The following MACROD1 variants were observed in gnomAD, a reference collection of about 807,000 sequenced individuals.
MACROD1 encodes the protein ADP-ribose glycohydrolase MACROD1.
Under a neutral mutation model 41.4 loss-of-function variants are expected in MACROD1, and 31 were observed. That is an observed-to-expected ratio of 0.75 (90% CI 0.56 to 1.01). MACROD1 has a LOEUF of 1.01. Among genes scored for constraint, MACROD1 ranks in the 50% least tolerant of loss-of-function variants. MACROD1 has a pLI of 0.00. For synonymous variants in MACROD1, 252 were observed against 203.4 expected (o/e 1.24, Z -2.03); for missense variants, 473 against 460.0 (o/e 1.03, Z -0.26).
Position 64,035,306 on chromosome 11 carries a change from G to A in MACROD1, c.518-20025C>T, listed in dbSNP as rs866548190. On this transcript the variant is annotated intron_variant, in intron 3 of 10. Transcript: ENST00000255681. ...CGGATGAGAGGGTCTGCCCAGGGAA[G>A]GGGCGCCAGGCAGGAAGGAAGGGGT... Among the ~76,000 whole-genome samples the A allele has an allele frequency of 2.6e-4, 40 of 152,264 alleles. No homozygotes were observed. The Middle Eastern group carries it at 0.01, about 39-fold the overall frequency.
intron 3 of MACROD1, among the ~76,000 whole-genome samples, chr11:64,112,350 T>C (rs1944878138): frequency 6.6e-6 from 1 of 151,980 alleles, no homozygotes; most frequent in Non-Finnish European, 1.5e-5. Context: ...CCGTCTCTAC[T>C]AAAAATACAA....
At chr11:64,141,206 C>A (rs1007538760) in intron 3 of MACROD1, among the ~76,000 whole-genome samples, 1 of 152,144 alleles carries the variant, frequency 6.6e-6, no homozygotes, top group African/African-American at 2.4e-5. Context: ...GGAGACGGGG[C>A]CTGGGTCCTT....
At chr11:64,048,944 A>G (rs1157256177) in intron 3 of MACROD1, among the ~76,000 whole-genome samples, 2 of 152,204 alleles carry the variant, frequency 1.3e-5, no homozygotes, top group East Asian at 1.9e-4. Flanking sequence ...GTCTGGTGTG[A>G]GGGAGAGCCT....
intron 3 of MACROD1, among the ~76,000 whole-genome samples, chr11:64,035,383 G>T (rs577384525): frequency 5.9e-5 from 9 of 152,294 alleles, no homozygotes; most frequent in African/African-American, 1.7e-4. Context: ...ATGAATGCAC[G>T]GGTGGACGGA....
At chr11:64,087,186 T>A (rs1400310036) in intron 3 of MACROD1, 1 of 152,078 alleles carries the variant, frequency 6.6e-6, no homozygotes, top group Non-Finnish European at 1.5e-5. Flanking sequence ...TTCAGTGAGG[T>A]CTCCGATTCT....
intron 3 of MACROD1, among the ~76,000 whole-genome samples, chr11:64,134,470 G>A (rs1778000630): frequency 6.6e-6 from 1 of 152,232 alleles, no homozygotes; most frequent in Non-Finnish European, 1.5e-5. Flanking sequence ...CCCACAGGGA[G>A]GAGGGAAAGC....
intron 1 of MACROD1, among the ~76,000 whole-genome samples, chr11:64,154,006 C>T (rs1010648856): frequency 1.3e-5 from 2 of 152,156 alleles, no homozygotes; most frequent in African/African-American, 2.4e-5. Flanking sequence ...CTTCAGTCCA[C>T]CCAGTCTGGT....
chr11:64,088,692 C>T (rs72918433), intron 3 of MACROD1, among the ~76,000 whole-genome samples: 23 of 152,148 alleles, frequency 1.5e-4, no homozygotes, highest in Non-Finnish European at 2.9e-4. Context: ...CTCTGGGTCT[C>T]GGCTGCCCTG....
rs116801730 is a variant in MACROD1, at chr11:64,130,221, G to T, written c.517+21018C>A. 6.8e-3 allele frequency among the ~76,000 whole-genome samples: 1,041 copies of T among 152,322 alleles called. 18 individuals carry two copies. The highest frequency in any genetic ancestry group is 0.024 in the African/African-American group (996 of 41,562). ...AGGGGCACGTGTGGGTAAGACCCCC[G>T]AATGGCTGCCCTGCGGCCAAGAGGC... is the stretch of plus-strand genomic sequence containing the variant. On this transcript the variant is annotated intron_variant, in intron 3 of 10. Coordinates refer to ENST00000255681, the MANE Select transcript of MACROD1 (RefSeq NM_014067.4).
rs1945502997 is a variant in MACROD1, at chr11:64,146,827, G to C, written c.517+4412C>G. 6.7e-6 allele frequency among the ~76,000 whole-genome samples: 1 copy of C among 148,424 alleles called. No homozygotes were observed. ...CCCCACACACATAGGCCAAACTCCT[G>C]ACCTCACACACACACTCTATCACAC... On this transcript the variant is annotated intron_variant, in intron 3 of 10. Coordinates refer to ENST00000255681, the MANE Select transcript of MACROD1 (RefSeq NM_014067.4). The surrounding 1 kb of genome is among the most constrained non-coding windows in gnomAD (Gnocchi z 4.7).
At chr11:64,049,396 AG>A (rs1943647543) in intron 3 of MACROD1, among the ~76,000 whole-genome samples, 1 of 152,192 alleles carries the variant, frequency 6.6e-6, no homozygotes, top group Non-Finnish European at 1.5e-5. Context: ...GGAGGTCAGC[AG>A]GCCCCCTGAG....
intron 3 of MACROD1, chr11:64,118,503 A>G (rs1945038718): frequency 2.0e-6 from 1 of 497,426 alleles, no homozygotes; most frequent in South Asian, 6.4e-5. Context: ...AGGAGGGGGA[A>G]TTCGACATTG....
Position 64,015,232 on chromosome 11 carries a change from A to G in MACROD1, c.547+20T>C. 6.3e-7 allele frequency: 1 copy of G among 1,594,038 alleles called. No individual in the cohort carries two copies. Among genetic ancestry groups the G allele is most frequent in the South Asian group, 1.1e-5 (1 of 87,540 alleles). On this transcript the variant is annotated intron_variant, in intron 4 of 10. Coordinates refer to ENST00000255681, the MANE Select transcript of MACROD1 (RefSeq NM_014067.4). ...GGAGATGCCACACCCCACCCCCACC[A>G]AGACAGAAGGTCCACTCACCGCCAC...
intron 4 of MACROD1, among the ~76,000 whole-genome samples, chr11:64,003,158 C>T (rs1942854914): frequency 6.6e-6 from 1 of 152,218 alleles, no homozygotes; most frequent in Non-Finnish European, 1.5e-5. Context: ...TAAGGCCCCT[C>T]TGCCTCCTCC....
At chr11:64,024,327 C>T (rs1425842877) in intron 3 of MACROD1, among the ~76,000 whole-genome samples, 1 of 152,234 alleles carries the variant, frequency 6.6e-6, no homozygotes, top group Non-Finnish European at 1.5e-5. Flanking sequence ...TTTCCAGTGG[C>T]TTCTTTCATT....
At chr11:64,163,694 G>C (rs1362398025) in intron 1 of MACROD1, among the ~76,000 whole-genome samples, 3 of 152,202 alleles carry the variant, frequency 2.0e-5, no homozygotes, top group Non-Finnish European at 4.4e-5. Context: ...TCAGAGGGAG[G>C]GAGACCCTGA....
chr11:64,086,536 G>T (rs1169388484), intron 3 of MACROD1, among the ~76,000 whole-genome samples: 1 of 151,998 alleles, frequency 6.6e-6, no homozygotes, highest in Non-Finnish European at 1.5e-5. Flanking sequence ...AGGCTGAGTT[G>T]TCTCAGGACA....
At chr11:64,003,082 C>T (rs1168996671) in intron 4 of MACROD1, among the ~76,000 whole-genome samples, 2 of 152,206 alleles carry the variant, frequency 1.3e-5, no homozygotes, top group Non-Finnish European at 2.9e-5. Context: ...GCGGGACCCC[C>T]CTGAGATGTT....
chr11:64,048,295 G>A (rs1943624232), intron 3 of MACROD1, among the ~76,000 whole-genome samples: 1 of 152,250 alleles, frequency 6.6e-6, no homozygotes, highest in Non-Finnish European at 1.5e-5. Context: ...CTGCCCCCAT[G>A]GGAGGTGCAG....
Sources: gnomAD v4.1 joint callset for allele counts (sites outside exome capture counted in the v4.1 genomes callset) on GRCh38, gnomAD v4.1.1 for gene constraint, Gnocchi (gnomAD v3.1) non-coding constraint, MANE v1.5 for transcripts, NCBI Gene and HGNC (gene_info 2026-07-23, HGNC 2026-07-21) for gene names.